Variants in RNF150 observed in about 807,000 individuals in gnomAD.
RNF150 encodes the protein ring finger protein 150.
Under a neutral mutation model 39.3 loss-of-function variants are expected in RNF150, and 24 were observed. The observed-to-expected ratio is 0.61, with a 90% CI of 0.44 to 0.86. The LOEUF (loss-of-function observed/expected upper bound fraction) is 0.86. Ranked by LOEUF, RNF150 falls within the 40% of genes least tolerant of loss-of-function variation. The pLI is 0.00. For synonymous variants in RNF150, 255 were observed against 227.3 expected (o/e 1.12, Z -1.10); for missense variants, 502 against 587.8 (o/e 0.85, Z 1.51).
chr4:141,014,964 A>G (rs555896709), intron 1 of RNF150, among the ~76,000 whole-genome samples: 1 of 151,838 alleles, frequency 6.6e-6, no homozygotes, highest in South Asian at 2.1e-4. Context: ...TTTTATATTT[A>G]AGTTCTTAAT....
At chr4:140,892,207 A>G (rs1048309465) in intron 6 of RNF150, among the ~76,000 whole-genome samples, 10 of 152,176 alleles carry the variant, frequency 6.6e-5, no homozygotes, top group African/African-American at 2.2e-4. Flanking sequence ...AGGGACACCT[A>G]TATAGCAATG....
intron 1 of RNF150, among the ~76,000 whole-genome samples, chr4:141,202,817 C>A (rs1487088247): frequency 6.6e-6 from 1 of 151,574 alleles, no homozygotes; most frequent in East Asian, 1.9e-4. Context: ...CTTTAGGGGT[C>A]AGATCAGTAC....
intron 1 of RNF150, among the ~76,000 whole-genome samples, chr4:141,101,939 G>C (rs987250845): frequency 2.6e-5 from 4 of 152,026 alleles, no homozygotes; most frequent in Non-Finnish European, 5.9e-5. Context: ...GTGCCACCAT[G>C]CCTGGCTTAT....
At chr4:140,939,027 G>A (rs148132620) in intron 4 of RNF150, among the ~76,000 whole-genome samples, 1 of 152,130 alleles carries the variant, frequency 6.6e-6, no homozygotes, top group Non-Finnish European at 1.5e-5. Flanking sequence ...CCATATTTGG[G>A]TTTTGACTTT....
intron 1 of RNF150, among the ~76,000 whole-genome samples, chr4:141,189,072 C>T (rs958659871): frequency 6.6e-6 from 1 of 152,092 alleles, no homozygotes; most frequent in Non-Finnish European, 1.5e-5. Context: ...TTTGCATGGG[C>T]GTCCTTTTTG....
chr4:140,981,109 A>T (rs1214481424), intron 1 of RNF150, among the ~76,000 whole-genome samples: 2 of 152,136 alleles, frequency 1.3e-5, no homozygotes, highest in Non-Finnish European at 2.9e-5. Flanking sequence ...AGAAGCTGGA[A>T]ATCCCCATAT....
intron 1 of RNF150, among the ~76,000 whole-genome samples, chr4:141,083,224 A>C (rs930640032): frequency 5.9e-5 from 9 of 152,246 alleles, no homozygotes; most frequent in Non-Finnish European, 1.3e-4. Flanking sequence ...AGAAACTCAA[A>C]AAGCACACAG....
At chr4:141,157,815 T>C (rs905044335) in intron 1 of RNF150, among the ~76,000 whole-genome samples, 2 of 152,186 alleles carry the variant, frequency 1.3e-5, no homozygotes, top group Non-Finnish European at 2.9e-5. Flanking sequence ...TTACTCAAAA[T>C]AGTGTTGAGA....
At chr4:140,968,470 A>G (rs944713094) in intron 1 of RNF150, among the ~76,000 whole-genome samples, 10 of 152,032 alleles carry the variant, frequency 6.6e-5, no homozygotes, top group Admixed American at 6.6e-4. Context: ...TTATGGTCCC[A>G]GAACTATTTT....
At chr4:141,149,386 C>A (rs1032033511) in intron 1 of RNF150, among the ~76,000 whole-genome samples, 1 of 151,884 alleles carries the variant, frequency 6.6e-6, no homozygotes, top group Non-Finnish European at 1.5e-5. Context: ...CTCTTGCCCC[C>A]CTCCCACTCT....
At chr4:141,071,531 A>G (rs1445228460) in intron 1 of RNF150, among the ~76,000 whole-genome samples, 1 of 152,028 alleles carries the variant, frequency 6.6e-6, no homozygotes, top group South Asian at 2.1e-4. Context: ...GAGGGAGCAA[A>G]GGAGGAAATT....
Position 140,868,230 on chromosome 4 carries a change from C to T in RNF150, c.*31G>A. On this transcript the variant is annotated 3_prime_UTR_variant, in exon 7 of 7. Coordinates refer to ENST00000515673, the MANE Select transcript of RNF150 (RefSeq NM_020724.2). ...CTCTTCCCTTCCTTTCCCTTGGGTC[C>T]TACTATCTCTTTGCTTCTGGATTTG... 1 of 1,255,770 alleles carries T rather than the reference C, an allele frequency of 8.0e-7. No individual in the cohort carries two copies. The highest frequency in any genetic ancestry group is 1.2e-5 in the South Asian group (1 of 83,592). The allele number at this position is 1,255,770 out of a possible 1,614,324, so 77.8% of individuals were successfully genotyped here.
At chr4:140,918,022 T>C (rs1447238806) in intron 5 of RNF150, among the ~76,000 whole-genome samples, 2 of 151,044 alleles carry the variant, frequency 1.3e-5, no homozygotes, top group Non-Finnish European at 3.0e-5. Flanking sequence ...TACCAGAATC[T>C]CTGGGACACA....
At chr4:141,087,639 GATCA>G (rs924168042) in intron 1 of RNF150, among the ~76,000 whole-genome samples, 4 of 152,134 alleles carry the variant, frequency 2.6e-5, no homozygotes, top group Non-Finnish European at 5.9e-5. Context: ...TCATTTTTAA[GATCA>G]TTCAAGCGTT....
chr4:141,073,065 G>C (rs1317500843), intron 1 of RNF150, among the ~76,000 whole-genome samples: 1 of 151,856 alleles, frequency 6.6e-6, no homozygotes, highest in Admixed American at 6.6e-5. Context: ...ATTTAGTCAC[G>C]GCACCACGGC....
chr4:141,144,289 T>G (rs1727166759), intron 1 of RNF150, among the ~76,000 whole-genome samples: 1 of 152,212 alleles, frequency 6.6e-6, no homozygotes, highest in Non-Finnish European at 1.5e-5. Context: ...TCAACAGTCA[T>G]TATTCCAAAA....
intron 1 of RNF150, among the ~76,000 whole-genome samples, chr4:140,989,035 T>C (rs539995604): frequency 6.6e-6 from 1 of 152,224 alleles, no homozygotes; most frequent in East Asian, 1.9e-4. Context: ...TTGTCCTCAT[T>C]TGAAGCATTT....
intron 1 of RNF150, among the ~76,000 whole-genome samples, chr4:141,033,930 G>A (rs1259717698): frequency 6.6e-6 from 1 of 152,148 alleles, no homozygotes; most frequent in African/African-American, 2.4e-5. Context: ...TAATTCGTAA[G>A]GGGGCTAGGA....
chr4:141,171,718 A>G lies in RNF150; in HGVS notation c.-6+41076T>C, dbSNP rs551818976. Among the ~76,000 whole-genome samples the G allele has an allele frequency of 3.9e-5, 6 of 152,368 alleles. No individual in the cohort carries two copies. The East Asian group carries it at 7.7e-4, about 20-fold the overall frequency. ...TGTATATAGATACATGTGCATGTAC[A>G]TATAGCACAACTGAACTGAATTGAG... On this transcript the variant is annotated intron_variant, in intron 1 of 7. Transcript: ENST00000420921.
Sources: allele counts gnomAD v4.1 joint callset (sites outside exome capture counted in the v4.1 genomes callset), GRCh38; gene constraint gnomAD v4.1.1; transcripts MANE v1.5; gene names NCBI Gene and HGNC (gene_info 2026-07-23, HGNC 2026-07-21).